TLN2: variants seen among roughly 807,000 people sequenced by gnomAD.
TLN2 encodes the protein talin 2.
Under a neutral mutation model 294.7 loss-of-function variants are expected in TLN2, and 118 were observed. That is an observed-to-expected ratio of 0.40 (90% CI 0.34 to 0.47). The LOEUF is 0.47. TLN2 is among the 20% of genes least tolerant of loss of function. The pLI, the probability that TLN2 is intolerant of heterozygous loss-of-function variation, is 0.84. For synonymous variants in TLN2, 1,431 were observed against 1,304.5 expected (o/e 1.10, Z -2.09); for missense variants, 3,083 against 3,282.2 (o/e 0.94, Z 1.48).
intron 1 of TLN2, among the ~76,000 whole-genome samples, chr15:62,514,981 A>G (rs2040114467): frequency 1.3e-5 from 2 of 152,172 alleles, no homozygotes; most frequent in Non-Finnish European, 2.9e-5. Flanking sequence ...AGGAGCAGGT[A>G]TGAGGCAAAG....
At chr15:62,599,590 G>C (rs1596304051) in intron 2 of TLN2, among the ~76,000 whole-genome samples, 1 of 152,284 alleles carries the variant, frequency 6.6e-6, no homozygotes, top group East Asian at 1.9e-4. Flanking sequence ...CATCAAGAGA[G>C]GGAAACATCA....
chr15:62,837,564 C>T (rs181658602), intron 57 of TLN2, among the ~76,000 whole-genome samples: 10 of 152,212 alleles, frequency 6.6e-5, no homozygotes, highest in Admixed American at 2.0e-4. Context: ...CCATCATTAC[C>T]GATTTAACTG....
rs556414602 is a variant in TLN2, at chr15:62,739,882, A to C, written c.3885+337A>C. ...TCTTCAAATGTGGGATAATACAATA[A>C]AAATATATATGTATTTGAGGTTTAA... On this transcript the variant is annotated intron_variant, in intron 31 of 58. Transcript: ENST00000636159. 2.0e-5 allele frequency among the ~76,000 whole-genome samples: 3 copies of C among 152,266 alleles called. No individual in the cohort carries two copies. In the South Asian group the frequency reaches 6.2e-4, roughly 32 times the overall value.
intron 46 of TLN2, among the ~76,000 whole-genome samples, chr15:62,795,072 G>C (rs2065372106): frequency 6.6e-6 from 1 of 152,210 alleles, no homozygotes; most frequent in African/African-American, 2.4e-5. Flanking sequence ...GGGAGGCAGG[G>C]CTGTCTCTGG....
chr15:62,576,523 C>T (rs369820311), intron 1 of TLN2, among the ~76,000 whole-genome samples: 53 of 150,304 alleles, frequency 3.5e-4, no homozygotes, highest in South Asian at 3.2e-3. Context: ...AGGGAGGGAG[C>T]GCGAGAATTG....
chr15:62,596,409 AT>A (rs1447912336), intron 2 of TLN2, among the ~76,000 whole-genome samples: 2 of 152,164 alleles, frequency 1.3e-5, no homozygotes, highest in African/African-American at 4.8e-5. Context: ...ACATTATAGC[AT>A]GTTCTATAAC....
At chr15:62,598,560 G>A (rs187630264) in intron 2 of TLN2, among the ~76,000 whole-genome samples, 1 of 152,194 alleles carries the variant, frequency 6.6e-6, no homozygotes, top group Admixed American at 6.5e-5. Context: ...AACCCTGCTG[G>A]TAAATGGGAA....
chr15:62,640,525 G>A (rs2050933735), intron 3 of TLN2, among the ~76,000 whole-genome samples: 1 of 152,100 alleles, frequency 6.6e-6, no homozygotes. Context: ...CCCCTAAGTT[G>A]CCCCTAGGCA....
At chr15:62,572,065 G>T (rs2043915893) in intron 1 of TLN2, among the ~76,000 whole-genome samples, 1 of 152,126 alleles carries the variant, frequency 6.6e-6, no homozygotes, top group Admixed American at 6.5e-5. Context: ...GAACATCGTA[G>T]ATACCTGCTT....
chr15:62,495,589 C>T (rs146656481), intron 1 of TLN2, among the ~76,000 whole-genome samples: 5 of 152,320 alleles, frequency 3.3e-5, no homozygotes, highest in African/African-American at 1.2e-4. Flanking sequence ...AGAGGCTGAA[C>T]ACATGGAACA....
rs775862116 is a variant in TLN2 at position 62,809,933 on chromosome 15, C to T, written c.6672C>T (p.Ser2224=). ...TTCCTTTCTCTCTCCAGCAAGCATC[C>T]TTCCACCCCGATGTCAGTGACGAGG... ...SDMLTACKQA[S]FHPDVSDEVR... is the part of the protein sequence containing the mutation. Residue 2224 remains serine (S), a synonymous_variant, in exon 52 of 59, where the codon TCC becomes TCT. Coordinates refer to ENST00000636159, the MANE Select transcript of TLN2 (RefSeq NM_015059.3). 2.5e-6 allele frequency: 4 copies of T among 1,614,118 alleles called. No homozygotes were observed. Among genetic ancestry groups the T allele is most frequent in the Non-Finnish European group, 1.7e-6 (2 of 1,180,012 alleles).
In TLN2 at chr15:62,833,663, C is replaced by G. The variant is rs780781148; in HGVS notation, c.7128+34C>G. On this transcript the variant is annotated intron_variant, in intron 55 of 58. Coordinates refer to ENST00000636159, the MANE Select transcript of TLN2 (RefSeq NM_015059.3). Reference sequence around the variant, plus strand: ...AGCCGCTGACCACATGCGGGACACTCAACGTACGAGAGCCTCAGGGGGCCC... The same window carrying G: ...AGCCGCTGACCACATGCGGGACACTGAACGTACGAGAGCCTCAGGGGGCCC... The G allele has an allele frequency of 2.5e-6, 4 of 1,606,840 alleles. No individual in the cohort carries two copies. The South Asian group carries it at 3.3e-5, about 13-fold the overall frequency.
intron 51 of TLN2, among the ~76,000 whole-genome samples, chr15:62,807,202 A>T (rs926171774): frequency 3.3e-5 from 5 of 152,138 alleles, no homozygotes; most frequent in Non-Finnish European, 5.9e-5. Flanking sequence ...ACCATAAGAG[A>T]TAACTGCCAA....
intron 54 of TLN2, among the ~76,000 whole-genome samples, chr15:62,822,467 T>C (rs897669341): frequency 1.3e-5 from 2 of 152,244 alleles, no homozygotes; most frequent in Non-Finnish European, 2.9e-5. Context: ...GGGTACTTTA[T>C]GGGAGTCACT....
chr15:62,655,582 G>GTCGTGCTT lies in TLN2; in HGVS notation c.518-361_518-360insCGTGCTTT, dbSNP rs2053117709. 4.2e-4 allele frequency among the ~76,000 whole-genome samples: 5 copies of GTCGTGCTT among 11,798 alleles called. 2 individuals are homozygous for GTCGTGCTT. In the Non-Finnish European group the frequency reaches 0.014, roughly 34 times the overall value. The allele number at this position is 11,798 out of a possible 152,430, so 7.7% of individuals were successfully genotyped here. A position where few individuals can be genotyped will look rare whatever the true frequency, so the allele number is the denominator to read the frequency against. On this transcript the variant is annotated intron_variant, in intron 7 of 58. Coordinates refer to ENST00000636159, the MANE Select transcript of TLN2 (RefSeq NM_015059.3). Reference sequence around the variant, plus strand: ...AGAGGCAGCATATTATACATTCATTGTAGCACATGTCACCGTGGGTTGGCT... The same window carrying GTCGTGCTT: ...AGAGGCAGCATATTATACATTCATTGTCGTGCTTTAGCACATGTCACCGTGGGTTGGCT...
intron 11 of TLN2, 97 bp downstream of exon 11, chr15:62,675,418 C>A: frequency 8.0e-7 from 1 of 1,253,250 alleles, no homozygotes; most frequent in Non-Finnish European, 1.1e-6. Context: ...CTGCTCACCC[C>A]CCTAGCATTT....
chr15:62,597,559 G>A (rs1338500447), intron 2 of TLN2, among the ~76,000 whole-genome samples: 1 of 152,142 alleles, frequency 6.6e-6, no homozygotes, highest in Non-Finnish European at 1.5e-5. Context: ...CTCACAGCCC[G>A]CCCTCCTTGG....
At chr15:62,835,110 AG>A (rs1217508872) in intron 55 of TLN2, 8 of 152,736 alleles carry the variant, frequency 5.2e-5, no homozygotes, top group African/African-American at 1.9e-4. Context: ...ACAAGCTTCA[AG>A]GTATTTCCTC....
At chr15:62,769,488 C>T (rs768049417) in intron 41 of TLN2, among the ~76,000 whole-genome samples, 4 of 152,160 alleles carry the variant, frequency 2.6e-5, no homozygotes, top group Non-Finnish European at 5.9e-5. Context: ...CCCTAAGGGC[C>T]GGGAACAGCC....
Sources: allele counts gnomAD v4.1 joint callset (sites outside exome capture counted in the v4.1 genomes callset), GRCh38; gene constraint gnomAD v4.1.1; transcripts MANE v1.5; gene names NCBI Gene and HGNC (gene_info 2026-07-23, HGNC 2026-07-21).